PPP1R12B: variants seen among roughly 807,000 people sequenced by gnomAD.
PPP1R12B encodes the protein myosin phosphatase target subunit 2.
In PPP1R12B, 76 loss-of-function variants were observed where a neutral mutation model predicts 126.1. The ratio of observed to expected loss-of-function variants is 0.60; its 90% CI spans 0.50 to 0.73. The LOEUF is 0.73. Ranked by LOEUF, PPP1R12B falls within the 30% of genes least tolerant of loss-of-function variation. PPP1R12B has a pLI of 0.00. For missense variants in PPP1R12B, 1,052 were observed against 1,205.1 expected (o/e 0.87, Z 1.88); for synonymous variants, 356 against 434.7 (o/e 0.82, Z 2.25).
At chr1:202,350,761 C>T (rs1226451770) in intron 1 of PPP1R12B, among the ~76,000 whole-genome samples, 1 of 151,898 alleles carries the variant, frequency 6.6e-6, no homozygotes, top group Non-Finnish European at 1.5e-5. Context: ...GCTGGGATTA[C>T]AGGCGCCTGC....
chr1:202,454,198 C>T (rs1673341028), intron 13 of PPP1R12B, among the ~76,000 whole-genome samples: 1 of 152,138 alleles, frequency 6.6e-6, no homozygotes, highest in Non-Finnish European at 1.5e-5. Context: ...TTACTGCCTT[C>T]TGGAAATGTT....
At chr1:202,567,705 C>A in intron 21 of PPP1R12B, 73 bp from the exon 22 acceptor site, 1 of 1,504,772 alleles carries the variant, frequency 6.6e-7, no homozygotes, top group Non-Finnish European at 9.2e-7. Context: ...AGTAGTGAAG[C>A]TGAACTAGAC....
intron 23 of PPP1R12B, chr1:202,576,754 TA>T (rs1689129059): frequency 6.6e-6 from 1 of 152,204 alleles, no homozygotes; most frequent in South Asian, 2.1e-4. Flanking sequence ...AGTTGTCATT[TA>T]TTTAAGGCCT....
chr1:202,407,488 C>T (rs1666789323), intron 1 of PPP1R12B, among the ~76,000 whole-genome samples: 1 of 152,192 alleles, frequency 6.6e-6, no homozygotes, highest in African/African-American at 2.4e-5. Context: ...GTGTCCAGAG[C>T]CTGCCTGACC....
intron 1 of PPP1R12B, among the ~76,000 whole-genome samples, chr1:202,366,100 C>T (rs1276849556): frequency 6.6e-6 from 1 of 152,174 alleles, no homozygotes; most frequent in Non-Finnish European, 1.5e-5. Context: ...GAATTCTGCA[C>T]CTACTCAGTG....
In PPP1R12B at chr1:202,564,502, G is replaced by T. The variant is rs775180242; in HGVS notation, c.2712G>T (p.Gln904His). 8.4e-5 allele frequency: 136 copies of T among 1,612,698 alleles called. No individual in the cohort carries two copies. Among genetic ancestry groups the T allele is most frequent in the Non-Finnish European group, 1.1e-4 (132 of 1,179,514 alleles). The change falls in exon 21 of 24, where the codon CAG becomes CAT. Residue 904 changes from glutamine (Q) to histidine (H), a missense_variant. Physicochemically the swap from Gln to His is conservative, Grantham distance 24. Transcript: ENST00000608999. ...TGAAAACAAAACTTCAGGAAGCCCA[G>T]CTAGAGCTAGCAGATATAAAGTCCA... is the stretch of plus-strand genomic sequence containing the variant. ...QKLKTKLQEA[Q>H]LELADIKSKL...
chr1:202,471,615 A>C (rs981909109), intron 13 of PPP1R12B, among the ~76,000 whole-genome samples: 4 of 144,520 alleles, frequency 2.8e-5, no homozygotes, highest in African/African-American at 1.0e-4. Context: ...TTTTTTGGTA[A>C]TCTAAGGAAG....
intron 1 of PPP1R12B, among the ~76,000 whole-genome samples, chr1:202,389,877 A>G (rs1186862716): frequency 1.3e-5 from 2 of 151,512 alleles, no homozygotes; most frequent in Non-Finnish European, 2.9e-5. Context: ...CAGTGAGCCA[A>G]GATCGCTCCA....
intron 1 of PPP1R12B, among the ~76,000 whole-genome samples, chr1:202,371,154 TACA>T (rs1287214589): frequency 6.6e-6 from 1 of 151,106 alleles, no homozygotes; most frequent in East Asian, 1.9e-4. Flanking sequence ...TAGCTGGGAC[TACA>T]GGTGTGCACC....
At chr1:202,480,044 A>G (rs1270325121) in intron 13 of PPP1R12B, among the ~76,000 whole-genome samples, 1 of 152,218 alleles carries the variant, frequency 6.6e-6, no homozygotes, top group Non-Finnish European at 1.5e-5. Context: ...AGAGTTACCA[A>G]AAGACCAAAA....
rs1247688062 is a variant in PPP1R12B, at chr1:202,430,819, T to C, written c.1001+9T>C. ...AGTGGGTTCTTTAAGAAGTAAGACA[T>C]TTAGGCTTGAGTAATGGGATGAGCT... On this transcript the variant is annotated intron_variant, in intron 7 of 23. Coordinates refer to ENST00000608999, the MANE Select transcript of PPP1R12B (RefSeq NM_002481.4). 1 of 1,610,888 alleles carries C rather than the reference T, an allele frequency of 6.2e-7. No individual in the cohort carries two copies. The highest frequency in any genetic ancestry group is 1.7e-5 in the Admixed American group (1 of 59,884).
chr1:202,438,410 T>C (rs1671125164), intron 10 of PPP1R12B: 2 of 546,398 alleles, frequency 3.7e-6, no homozygotes, highest in Non-Finnish European at 6.3e-6. Context: ...CTTCGTGTGC[T>C]GAACCCTCTA....
chr1:202,404,791 G>A (rs555552841), intron 1 of PPP1R12B, among the ~76,000 whole-genome samples: 17 of 152,256 alleles, frequency 1.1e-4, no homozygotes, highest in South Asian at 4.1e-4. Context: ...GTGAGCCACC[G>A]CACCCAGCCC....
chr1:202,496,038 A>G (rs1224423288), intron 17 of PPP1R12B, among the ~76,000 whole-genome samples: 1 of 152,238 alleles, frequency 6.6e-6, no homozygotes, highest in Non-Finnish European at 1.5e-5. Flanking sequence ...GTAGTGAGTC[A>G]ACAATATCTT....
At chr1:202,546,900 A>G (rs2148974774) in intron 18 of PPP1R12B, among the ~76,000 whole-genome samples, 1 of 152,294 alleles carries the variant, frequency 6.6e-6, no homozygotes, top group African/African-American at 2.4e-5. Flanking sequence ...GATAAGAGAT[A>G]TGTTTCTTTT....
intron 23 of PPP1R12B, chr1:202,577,273 T>G (rs1480544595): frequency 5.9e-5 from 9 of 152,162 alleles, no homozygotes; most frequent in African/African-American, 1.2e-4. Flanking sequence ...AAAAGAAGAA[T>G]AATATTTTAC....
chr1:202,415,543 A>G (rs560698043), intron 1 of PPP1R12B, among the ~76,000 whole-genome samples: 9 of 152,156 alleles, frequency 5.9e-5, no homozygotes, highest in Non-Finnish European at 1.3e-4. Context: ...TAACCATCCA[A>G]GCCTTGGTAA....
chr1:202,365,106 GC>G (rs1254508707), intron 1 of PPP1R12B, among the ~76,000 whole-genome samples: 1 of 152,088 alleles, frequency 6.6e-6, no homozygotes, highest in African/African-American at 2.4e-5. Flanking sequence ...GGCTGTCTTA[GC>G]TTTTGCAAAT....
chr1:202,378,247 C>CTTTTTTTTTTTTTTTTT, intron 1 of PPP1R12B, among the ~76,000 whole-genome samples: 1 of 93,384 alleles, frequency 1.1e-5, no homozygotes, highest in Non-Finnish European at 2.0e-5. Context: ...TGTCTTCATT[C>CTTTTTTTTTTTTTTTTT]TTTTTTTTTT....
Sources: gnomAD v4.1 joint callset for allele counts (sites outside exome capture counted in the v4.1 genomes callset) on GRCh38, gnomAD v4.1.1 for gene constraint, MANE v1.5 for transcripts, NCBI Gene and HGNC (gene_info 2026-07-23, HGNC 2026-07-21) for gene names.